The following AACS variants were observed in gnomAD, a reference collection of about 807,000 sequenced individuals.
AACS encodes acetoacetate-CoA ligase.
AACS carries 69 observed loss-of-function variants against 83.1 expected under a neutral mutation model. That is an observed-to-expected ratio of 0.83 (90% CI 0.68 to 1.01). The LOEUF is 1.01. Ranked by LOEUF, AACS falls within the 50% of genes least tolerant of loss-of-function variation. The pLI, the probability that AACS is intolerant of heterozygous loss-of-function variation, is 0.00. For synonymous variants in AACS, 333 were observed against 343.4 expected (o/e 0.97, Z 0.33); for missense variants, 866 against 882.2 (o/e 0.98, Z 0.23).
At chr12:125,066,792 C>T (rs998331746) in intron 1 of AACS, among the ~76,000 whole-genome samples, 2 of 152,044 alleles carry the variant, frequency 1.3e-5, no homozygotes, top group African/African-American at 4.8e-5. Flanking sequence ...CTCACCCCCT[C>T]CGCTGGCGCA....
chr12:125,110,105 T>C (rs1228295080), intron 8 of AACS, among the ~76,000 whole-genome samples: 2 of 151,716 alleles, frequency 1.3e-5, no homozygotes, highest in Non-Finnish European at 2.9e-5. Flanking sequence ...CTGCAACCTC[T>C]GCCTCCCGGG....
chr12:125,136,616 C>T (rs923172124), intron 16 of AACS, 46 bp from the exon 17 acceptor site: 12 of 1,575,486 alleles, frequency 7.6e-6, no homozygotes, highest in Non-Finnish European at 1.0e-5. Context: ...CGACCCCACA[C>T]TGAGGGGCCC....
chr12:125,136,799 G>A lies in AACS; in HGVS notation c.1816G>A (p.Ala606Thr), dbSNP rs747112941. Reference sequence around the variant, plus strand: ...TGACTTGGTTAAGAGGATCCGTGACGCCATCCGCATGGGCTTGTCTGCGCG... The same window carrying A: ...TGACTTGGTTAAGAGGATCCGTGACACCATCCGCATGGGCTTGTCTGCGCG... ...QPDLVKRIRD[A>T]IRMGLSARHV... Residue 606 changes from alanine (A) to threonine (T), a missense_variant, in exon 17 of 18, where the codon GCC becomes ACC. Coordinates refer to ENST00000316519, the MANE Select transcript of AACS (RefSeq NM_023928.5). 6.8e-6 allele frequency: 11 copies of A among 1,613,898 alleles called. No homozygotes were observed. The Admixed American group carries it at 1.2e-4, about 17-fold the overall frequency.
chr12:125,142,469 C>T lies in AACS; in HGVS notation c.*240C>T. 1.8e-6 allele frequency: 1 copy of T among 553,000 alleles called. No individual in the cohort carries two copies. Among genetic ancestry groups the T allele is most frequent in the South Asian group, 2.2e-5 (1 of 45,742 alleles). The allele number at this position is 553,000 out of a possible 1,614,324, so 34.3% of individuals were successfully genotyped here. On this transcript the variant is annotated 3_prime_UTR_variant, in exon 18 of 18. Coordinates refer to ENST00000316519, the MANE Select transcript of AACS (RefSeq NM_023928.5). ...GAGTGTCTGGGCCGCAGGTGTGGCA[C>T]TGTGGTGAGAGTGTGTGTCTTTGCA...
chr12:125,086,574 T>G, intron 4 of AACS, 131 bp downstream of exon 4: 1 of 777,318 alleles, frequency 1.3e-6, no homozygotes, highest in Non-Finnish European at 2.1e-6. Flanking sequence ...GGACTTGGAC[T>G]CTACATGCAA....
chr12:125,107,322 A>T, intron 8 of AACS, 54 bp downstream of exon 8: 2 of 1,594,888 alleles, frequency 1.3e-6, no homozygotes, highest in Admixed American at 3.4e-5. Flanking sequence ...TTGCTTCAAC[A>T]GGGCCTCCCA....
chr12:125,068,671 C>T (rs983584787), intron 1 of AACS, among the ~76,000 whole-genome samples: 2 of 152,086 alleles, frequency 1.3e-5, no homozygotes, highest in East Asian at 1.9e-4. Context: ...ACCTGACTCT[C>T]CCCTTTCATA....
intron 5 of AACS, among the ~76,000 whole-genome samples, chr12:125,099,337 T>G (rs970927391): frequency 6.6e-6 from 1 of 152,248 alleles, no homozygotes; most frequent in Non-Finnish European, 1.5e-5. Flanking sequence ...CCCACCCTGG[T>G]GTCCCTGGAG....
intron 1 of AACS, among the ~76,000 whole-genome samples, chr12:125,067,036 G>A (rs1955720217): frequency 6.6e-6 from 1 of 152,168 alleles, no homozygotes; most frequent in South Asian, 2.1e-4. Flanking sequence ...TGCTTTGCCA[G>A]AGTAATCTTG....
chr12:125,118,138 T>C (rs7136220), intron 9 of AACS: 57,442 of 155,194 alleles, frequency 0.37, 10,950 homozygotes, highest in East Asian at 0.45. Flanking sequence ...GATTTGGGGA[T>C]GGCACTAGGC....
Position 125,128,225 on chromosome 12 carries a change from G to T in AACS, c.1374G>T (p.Glu458Asp), listed in dbSNP as rs1278979377. ...TTTCTCTTCCTGTGTATAAAGGGGAGATTCAGGCCCGGAACCTGGGCATGG... is the reference window on the plus strand; with the variant it reads ...TTTCTCTTCCTGTGTATAAAGGGGATATTCAGGCCCGGAACCTGGGCATGG... ...HNFSLPVYKG[E>D]IQARNLGMAV... is the part of the protein sequence containing the mutation. The change falls in exon 13 of 18, where the codon GAG becomes GAT. Residue 458 changes from glutamate (E) to aspartate (D), a missense_variant. Glu to Asp is a conservative substitution (Grantham distance 45). Transcript: ENST00000316519. 2.5e-6 allele frequency: 4 copies of T among 1,613,338 alleles called. No individual in the cohort carries two copies. In the South Asian group the frequency reaches 3.3e-5, roughly 13 times the overall value.
intron 10 of AACS, 55 bp from the exon 11 acceptor site, chr12:125,124,650 T>C (rs1172959135): frequency 1.9e-6 from 3 of 1,598,142 alleles, no homozygotes; most frequent in Non-Finnish European, 2.6e-6. Flanking sequence ...TTAGAAAGCT[T>C]TGGTGCAAGA....
At chr12:125,093,191 G>T (rs1429702373) in intron 5 of AACS, among the ~76,000 whole-genome samples, 1 of 152,272 alleles carries the variant, frequency 6.6e-6, no homozygotes, top group Non-Finnish European at 1.5e-5. Flanking sequence ...TTGTAAACGG[G>T]TTGTGAGAGG....
At chr12:125,117,215 C>T (rs1338416628) in intron 9 of AACS, among the ~76,000 whole-genome samples, 1 of 151,942 alleles carries the variant, frequency 6.6e-6, no homozygotes, top group Non-Finnish European at 1.5e-5. Flanking sequence ...AGTTTGGGAC[C>T]AGCCTGGCCA....
intron 8 of AACS, 54 bp downstream of exon 8, chr12:125,107,322 A>G: frequency 1.3e-6 from 2 of 1,594,886 alleles, no homozygotes; most frequent in Non-Finnish European, 8.5e-7. Context: ...TTGCTTCAAC[A>G]GGGCCTCCCA....
intron 4 of AACS, chr12:125,091,039 C>T (rs1956472586): frequency 7.8e-6 from 2 of 256,054 alleles, no homozygotes; most frequent in Non-Finnish European, 7.9e-6. Flanking sequence ...GCAGGATGAG[C>T]GCACACTGAG....
Position 125,142,339 on chromosome 12 carries a change from A to G in AACS, c.*110A>G. The G allele has an allele frequency of 6.9e-7, 1 of 1,440,642 alleles. No individual in the cohort carries two copies. Among genetic ancestry groups the G allele is most frequent in the Non-Finnish European group, 9.4e-7 (1 of 1,066,232 alleles). 89.2% of individuals were successfully genotyped at this position (1,440,642 alleles called of 1,614,324 possible). ...CTGTTGTAAAAGGATGCTCGCACCA[A>G]GTGTTCTGTAGGCTTGGGGAGGGAT... On this transcript the variant is annotated 3_prime_UTR_variant, in exon 18 of 18. Coordinates refer to ENST00000316519, the MANE Select transcript of AACS (RefSeq NM_023928.5).
intron 3 of AACS, among the ~76,000 whole-genome samples, chr12:125,084,954 C>T (rs1009279016): frequency 6.6e-6 from 1 of 152,148 alleles, no homozygotes; most frequent in African/African-American, 2.4e-5. Context: ...CTCATGTGAT[C>T]TTCCTGCCTT....
chr12:125,106,269 A>G (rs954915921), intron 7 of AACS, among the ~76,000 whole-genome samples: 3 of 152,130 alleles, frequency 2.0e-5, no homozygotes, highest in Admixed American at 6.5e-5. Context: ...ATAGAAAACC[A>G]CCTTTTCCCA....
Sources: allele counts gnomAD v4.1 joint callset (sites outside exome capture counted in the v4.1 genomes callset), GRCh38; gene constraint gnomAD v4.1.1; transcripts MANE v1.5; gene names NCBI Gene and HGNC (gene_info 2026-07-23, HGNC 2026-07-21).